POU2F1: variants seen among roughly 807,000 people sequenced by gnomAD.
POU2F1 encodes the protein POU domain, class 2, transcription factor 1.
POU2F1 carries 16 observed loss-of-function variants against 84.9 expected under a neutral mutation model. That is an observed-to-expected ratio of 0.19 (90% CI 0.13 to 0.29). The LOEUF (loss-of-function observed/expected upper bound fraction) is 0.29, where lower values mean the gene tolerates loss of function less well. Ranked by LOEUF, POU2F1 falls within the 10% of genes least tolerant of loss-of-function variation. The pLI, the probability that POU2F1 is intolerant of heterozygous loss-of-function variation, is 1.00. For missense variants in POU2F1, 738 were observed against 942.6 expected (o/e 0.78, Z 2.84); for synonymous variants, 368 against 368.3 (o/e 1.00, Z 0.01).
intron 3 of POU2F1, among the ~76,000 whole-genome samples, chr1:167,366,012 G>A (rs566663850): frequency 6.4e-4 from 97 of 152,254 alleles, no homozygotes; most frequent in Middle Eastern, 3.4e-3. Context: ...GCTTTTGCTT[G>A]ACTGTGACCC....
intron 1 of POU2F1, among the ~76,000 whole-genome samples, chr1:167,250,207 T>A (rs1330692669): frequency 1.3e-5 from 2 of 152,176 alleles, no homozygotes; most frequent in African/African-American, 4.8e-5. Flanking sequence ...GAAAAAAATA[T>A]GAGATGAAGA....
At chr1:167,412,920 C>T (rs750291839) in intron 14 of POU2F1, 106 bp from the exon 15 acceptor site, 6 of 835,148 alleles carry the variant, frequency 7.2e-6, no homozygotes, top group Non-Finnish European at 1.2e-5. Context: ...ATATTTCCAC[C>T]TATTTCCCCA....
chr1:167,377,075 C>T (rs1216093462), intron 7 of POU2F1, among the ~76,000 whole-genome samples: 1 of 152,158 alleles, frequency 6.6e-6, no homozygotes, highest in African/African-American at 2.4e-5. Context: ...ACAGCATTTG[C>T]AAACCTTAGA....
At chr1:167,226,901 A>G (rs1434018766) in intron 1 of POU2F1, among the ~76,000 whole-genome samples, 2 of 152,210 alleles carry the variant, frequency 1.3e-5, no homozygotes, top group Non-Finnish European at 2.9e-5. Flanking sequence ...GCAAAAGAAG[A>G]ATCAGCAAAC....
In POU2F1 at chr1:167,228,926, G is replaced by A. The variant is rs961418513; in HGVS notation, c.61+7968G>A. On this transcript the variant is annotated intron_variant, in intron 1 of 15. Transcript: ENST00000367866. ...TTCATTACCTCAGTTAGTCCTTTCA[G>A]GCAAGCGTTACTATACCCATTTTAT... 5.3e-5 allele frequency among the ~76,000 whole-genome samples: 8 copies of A among 152,170 alleles called. 1 individual carries two copies. In the South Asian group the frequency reaches 1.4e-3, roughly 28 times the overall value.
chr1:167,334,754 TA>T (rs1457885246), intron 2 of POU2F1, among the ~76,000 whole-genome samples: 2 of 152,242 alleles, frequency 1.3e-5, no homozygotes, highest in African/African-American at 4.8e-5. Context: ...ATTGTATGCT[TA>T]CAAATTGATT....
intron 1 of POU2F1, among the ~76,000 whole-genome samples, chr1:167,312,005 G>T (rs1490953234): frequency 3.3e-5 from 5 of 151,842 alleles, no homozygotes; most frequent in Admixed American, 3.3e-4. Flanking sequence ...CGCACTCTCG[G>T]CTCACTGCAA....
intron 1 of POU2F1, among the ~76,000 whole-genome samples, chr1:167,249,618 A>G (rs1650578940): frequency 6.6e-6 from 1 of 152,186 alleles, no homozygotes; most frequent in Admixed American, 6.5e-5. Flanking sequence ...ACGGGAGTGA[A>G]TTGATGGTCT....
chr1:167,411,011 C>T (rs1649922023), intron 13 of POU2F1, among the ~76,000 whole-genome samples: 1 of 151,468 alleles, frequency 6.6e-6, no homozygotes, highest in Non-Finnish European at 1.5e-5. Flanking sequence ...CATATTCAGG[C>T]ACTTTTTTCT....
At chr1:167,306,393 C>T (rs1057000865) in intron 1 of POU2F1, among the ~76,000 whole-genome samples, 6 of 152,020 alleles carry the variant, frequency 3.9e-5, no homozygotes, top group Non-Finnish European at 7.4e-5. Flanking sequence ...TCAAGAGCAT[C>T]GCTTAAAATT....
intron 1 of POU2F1, among the ~76,000 whole-genome samples, chr1:167,235,215 C>T (rs908286573): frequency 1.3e-5 from 2 of 151,918 alleles, no homozygotes; most frequent in African/African-American, 4.8e-5. Flanking sequence ...ATTGCTAAGT[C>T]CCCCCATCTT....
intron 9 of POU2F1, among the ~76,000 whole-genome samples, chr1:167,390,532 C>G (rs1396868563): frequency 6.6e-6 from 1 of 152,144 alleles, no homozygotes; most frequent in Non-Finnish European, 1.5e-5. Context: ...AATCTGTAAT[C>G]CCAGCACTTT....
chr1:167,389,528 G>C, intron 8 of POU2F1, 60 bp from the exon 9 acceptor site: 2 of 1,572,766 alleles, frequency 1.3e-6, no homozygotes, highest in Non-Finnish European at 1.7e-6. Flanking sequence ...TGTTTACTTG[G>C]AGTAAACCTA....
rs1313738350 is a variant in POU2F1, at chr1:167,419,379, T to A, written c.*3569T>A. 6.6e-6 allele frequency: 1 copy of A among 152,232 alleles called. No individual in the cohort carries two copies. Among genetic ancestry groups the A allele is most frequent in the Non-Finnish European group, 1.5e-5 (1 of 68,042 alleles). 9.4% of individuals were successfully genotyped at this position (152,232 alleles called of 1,614,324 possible). ...TTTATTTTATATTTCTGAATTTGGT[T>A]AGCACATACTAAGCCAAAGACTATT... On this transcript the variant is annotated 3_prime_UTR_variant, in exon 16 of 16. Coordinates refer to ENST00000367866, the MANE Select transcript of POU2F1 (RefSeq NM_002697.4).
At chr1:167,282,899 A>G (rs1653257083) in intron 1 of POU2F1, among the ~76,000 whole-genome samples, 1 of 152,244 alleles carries the variant, frequency 6.6e-6, no homozygotes, top group Non-Finnish European at 1.5e-5. Context: ...TGGGCAATTT[A>G]CTAAATATCT....
At chr1:167,336,793 T>C (rs1014394027) in intron 2 of POU2F1, among the ~76,000 whole-genome samples, 1 of 151,094 alleles carries the variant, frequency 6.6e-6, no homozygotes, top group Non-Finnish European at 1.5e-5. Context: ...CTTTGGGAGG[T>C]TGAGGTGGGC....
intron 6 of POU2F1, 85 bp from the exon 7 acceptor site, chr1:167,375,944 A>T: frequency 6.8e-7 from 1 of 1,474,246 alleles, no homozygotes; most frequent in Admixed American, 1.7e-5. Context: ...TTTGGATGTG[A>T]CAGAAGTCAT....
chr1:167,260,143 G>A (rs1006163417), intron 1 of POU2F1, among the ~76,000 whole-genome samples: 2 of 152,176 alleles, frequency 1.3e-5, no homozygotes, highest in Admixed American at 1.3e-4. Flanking sequence ...TTCCCAAAGT[G>A]CTGGGGTTAC....
intron 1 of POU2F1, among the ~76,000 whole-genome samples, chr1:167,275,511 C>T (rs576034986): frequency 1.3e-5 from 2 of 152,202 alleles, no homozygotes; most frequent in African/African-American, 2.4e-5. Flanking sequence ...AAGATGGGGC[C>T]AAATACTGTG....
Sources: gnomAD v4.1 joint callset for allele counts (sites outside exome capture counted in the v4.1 genomes callset) on GRCh38, gnomAD v4.1.1 for gene constraint, MANE v1.5 for transcripts, NCBI Gene and HGNC (gene_info 2026-07-23, HGNC 2026-07-21) for gene names.